TMEM131L: variants seen among roughly 807,000 people sequenced by gnomAD.
The protein encoded by TMEM131L is transmembrane 131 like, also known as transmembrane protein 131-like.
A neutral mutation model predicts 192.2 loss-of-function variants in TMEM131L; 54 were observed. That is an observed-to-expected ratio of 0.28 (90% CI 0.23 to 0.35). TMEM131L has a LOEUF of 0.35. Among genes scored for constraint, TMEM131L ranks in the 10% least tolerant of loss-of-function variants. TMEM131L has a pLI of 1.00. For synonymous variants in TMEM131L, 701 were observed against 704.9 expected, an observed-to-expected ratio of 0.99 and a Z score of 0.09; for missense variants, 1,888 against 1,972.9, an observed-to-expected ratio of 0.96 and a Z score of 0.82.
chr4:153,529,768 C>G (rs1274325106), intron 3 of TMEM131L, among the ~76,000 whole-genome samples: 5 of 152,208 alleles, frequency 3.3e-5, no homozygotes, highest in African/African-American at 9.7e-5. Context: ...TTCTCCCCTA[C>G]CCCCTTCACA....
Position 153,634,071 on chromosome 4 carries a change from A to C in TMEM131L, c.4329-121A>C. ...TGTGACTTGAGAAAGTACATCTTTT[A>C]TTTTCCAAAATTGGGGAATTCACAG... On this transcript the variant is annotated intron_variant, in intron 32 of 34. Transcript: ENST00000409959. 3.7e-6 allele frequency: 3 copies of C among 819,454 alleles called. No individual in the cohort carries two copies. The Admixed American group carries it at 5.9e-5, about 16-fold the overall frequency. 50.8% of individuals were successfully genotyped at this position (819,454 alleles called of 1,614,324 possible).
intron 3 of TMEM131L, among the ~76,000 whole-genome samples, chr4:153,521,969 C>T (rs35537982): frequency 0.33 from 50,680 of 151,774 alleles, 10,224 homozygotes; most frequent in Non-Finnish European, 0.44. Flanking sequence ...TACATTATTC[C>T]CCTACCCAAC....
chr4:153,495,275 G>A (rs1390045935), intron 3 of TMEM131L, among the ~76,000 whole-genome samples: 1 of 151,976 alleles, frequency 6.6e-6, no homozygotes, highest in East Asian at 1.9e-4. Context: ...ACCCGAGATT[G>A]TGCCATTGCA....
intron 3 of TMEM131L, among the ~76,000 whole-genome samples, chr4:153,543,681 A>G (rs1232497796): frequency 6.6e-6 from 1 of 152,258 alleles, no homozygotes; most frequent in African/African-American, 2.4e-5. Context: ...CTAAGGTCCC[A>G]GGAGGTAGCA....
At position 153,636,361 on chromosome 4, in the gene TMEM131L, G is replaced by A; in HGVS notation, c.4618G>A (p.Ala1540Thr). The change falls in exon 35 of 35, where the codon GCC becomes ACC. Residue 1540 changes from alanine to threonine, a missense_variant. Coordinates refer to ENST00000409959, the MANE Select transcript of TMEM131L (RefSeq NM_001131007.2). ...PMSGLFGSIW[A>T]PQSDVYENCC... ...GTCTGGACTTTTTGGTTCCATCTGG[G>A]CCCCGCAAAGCGATGTGTATGAAAA... The A allele has an allele frequency of 3.7e-6, 6 of 1,614,036 alleles. No homozygotes were observed. The highest frequency in any genetic ancestry group is 3.4e-6 in the Non-Finnish European group (4 of 1,180,012).
intron 3 of TMEM131L, among the ~76,000 whole-genome samples, chr4:153,535,017 A>C (rs1736207754): frequency 6.6e-6 from 1 of 152,124 alleles, no homozygotes; most frequent in Admixed American, 6.5e-5. Context: ...TGCCATTTGA[A>C]TTAGGTTTAA....
At chr4:153,492,514 G>A (rs764653153) in intron 3 of TMEM131L, among the ~76,000 whole-genome samples, 77 of 152,218 alleles carry the variant, frequency 5.1e-4, no homozygotes, top group Non-Finnish European at 9.0e-4. Context: ...TGTAAAATAA[G>A]TCTACCACTT....
rs774785197 is a variant in TMEM131L, at chr4:153,622,920, G to A, written c.3882G>A (p.Glu1294=). The change falls in exon 29 of 35, where the codon GAG becomes GAA. Residue 1294 remains glutamate (E), a synonymous_variant. Coordinates refer to ENST00000409959, the MANE Select transcript of TMEM131L (RefSeq NM_001131007.2). ...CAGAAGGTTACTACCAGAAGCCTGAGAAGAAATGTGTGGACAAGTTCTGCT... is the reference window on the plus strand; with the variant it reads ...CAGAAGGTTACTACCAGAAGCCTGAAAAGAAATGTGTGGACAAGTTCTGCT... ...REAEGYYQKP[E]KKCVDKFCSD... is the part of the protein sequence containing the mutation. 2.5e-6 allele frequency: 4 copies of A among 1,614,132 alleles called. No individual in the cohort carries two copies. The highest frequency in any genetic ancestry group is 2.7e-5 in the African/African-American group (2 of 74,940).
chr4:153,507,883 G>T (rs966341490), intron 3 of TMEM131L, among the ~76,000 whole-genome samples: 7 of 152,038 alleles, frequency 4.6e-5, no homozygotes, highest in Non-Finnish European at 1.5e-5. Flanking sequence ...CCTAGGGCTG[G>T]GTATCACCAT....
chr4:153,499,705 G>A (rs994402789), intron 3 of TMEM131L, among the ~76,000 whole-genome samples: 4 of 152,212 alleles, frequency 2.6e-5, no homozygotes, highest in Non-Finnish European at 4.4e-5. Flanking sequence ...GATTACAGGC[G>A]TGAACCGCCG....
chr4:153,555,974 T>C lies in TMEM131L; in HGVS notation c.432+64T>C. ...GGCAGCCAGGTTTTCTTGCTTTCTT[T>C]GGCCTGAAGTTTTTACTTTCTGCTC... is the stretch of plus-strand genomic sequence containing the variant. On this transcript the variant is annotated intron_variant, in intron 5 of 34. Coordinates refer to ENST00000409959, the MANE Select transcript of TMEM131L (RefSeq NM_001131007.2). This position sits in a 1 kb window ranked among gnomAD's most constrained non-coding sequence, Gnocchi z 4.1. 1 of 1,518,096 alleles carries C rather than the reference T, an allele frequency of 6.6e-7. No homozygotes were observed. The allele number at this position is 1,518,096 out of a possible 1,614,324, so 94.0% of individuals were successfully genotyped here. A position where few individuals can be genotyped will look rare whatever the true frequency, so the allele number is the denominator to read the frequency against.
At chr4:153,627,773 C>A in intron 31 of TMEM131L, 86 bp downstream of exon 31, 2 of 1,157,594 alleles carry the variant, frequency 1.7e-6, no homozygotes, top group Non-Finnish European at 2.6e-6. Flanking sequence ...GAAGACAGAG[C>A]AGGCGGGGTG....
At chr4:153,470,328 T>C (rs1731063758) in intron 2 of TMEM131L, among the ~76,000 whole-genome samples, 1 of 152,228 alleles carries the variant, frequency 6.6e-6, no homozygotes, top group African/African-American at 2.4e-5. Context: ...CTGAGCTGAC[T>C]GGTAGACTTG....
chr4:153,632,871 T>A (rs1561263362), intron 32 of TMEM131L, 33 bp downstream of exon 32: 4 of 1,613,328 alleles, frequency 2.5e-6, no homozygotes, highest in African/African-American at 2.7e-5. Flanking sequence ...GGTGCCTTGC[T>A]TAGTCTAAGG....
At chr4:153,591,260 C>G in intron 17 of TMEM131L, 66 bp downstream of exon 17, 1 of 1,423,974 alleles carries the variant, frequency 7.0e-7, no homozygotes, top group Non-Finnish European at 9.3e-7. Flanking sequence ...TTCAAAGTAC[C>G]AGATTGTGTC....
chr4:153,477,936 G>A (rs768772703), intron 3 of TMEM131L, among the ~76,000 whole-genome samples: 6 of 152,066 alleles, frequency 3.9e-5, no homozygotes, highest in African/African-American at 7.2e-5. Flanking sequence ...TTGTCTTCCC[G>A]AAAGAAGTGC....
At chr4:153,583,742 A>G in intron 11 of TMEM131L, 70 bp downstream of exon 11, 1 of 875,722 alleles carries the variant, frequency 1.1e-6, no homozygotes. Context: ...CTCTTTCTAC[A>G]ACTACAGATT....
At chr4:153,632,860 T>G in intron 32 of TMEM131L, 22 bp downstream of exon 32, 2 of 1,613,896 alleles carry the variant, frequency 1.2e-6, no homozygotes, top group Non-Finnish European at 1.7e-6. Context: ...CTTCTCTGAT[T>G]GGTGCCTTGC....
At chr4:153,470,579 C>T (rs563112918) in intron 2 of TMEM131L, among the ~76,000 whole-genome samples, 11 of 152,324 alleles carry the variant, frequency 7.2e-5, no homozygotes, top group African/African-American at 1.9e-4. Flanking sequence ...TTTTCCTCTG[C>T]TCTGACTGTA....
Sources: allele counts gnomAD v4.1 joint callset (sites outside exome capture counted in the v4.1 genomes callset), GRCh38; gene constraint gnomAD v4.1.1; non-coding constraint Gnocchi (gnomAD v3.1); transcripts MANE v1.5; gene names NCBI Gene and HGNC (gene_info 2026-07-23, HGNC 2026-07-21).